The following SNCAIP variants were observed in gnomAD, a reference collection of about 807,000 sequenced individuals.
SNCAIP encodes synphilin-1.
A neutral mutation model predicts 86.7 loss-of-function variants in SNCAIP; 43 were observed. The observed-to-expected ratio is 0.50, with a 90% CI of 0.39 to 0.64. The LOEUF is 0.64. Ranked by LOEUF, SNCAIP falls within the 30% of genes least tolerant of loss-of-function variation. The pLI is 0.00. For missense variants in SNCAIP, 981 were observed against 1,103.1 expected, an observed-to-expected ratio of 0.89 and a Z score of 1.57; for synonymous variants, 417 against 427.2, an observed-to-expected ratio of 0.98 and a Z score of 0.29.
chr5:122,317,455 T>C (rs1751994350), intron 1 of SNCAIP, among the ~76,000 whole-genome samples: 1 of 152,198 alleles, frequency 6.6e-6, no homozygotes, highest in African/African-American at 2.4e-5. Flanking sequence ...TTAGACCACT[T>C]TGATCACATG....
chr5:122,427,801 G>C (rs1386893319), intron 5 of SNCAIP, among the ~76,000 whole-genome samples: 2 of 152,154 alleles, frequency 1.3e-5, no homozygotes, highest in Non-Finnish European at 2.9e-5. Flanking sequence ...TTGGCTAACA[G>C]GAAGCAGAGT....
chr5:122,436,411 A>G (rs550970708), intron 6 of SNCAIP: 13 of 152,222 alleles, frequency 8.5e-5, no homozygotes, highest in African/African-American at 3.1e-4. Flanking sequence ...TTTTATTCCT[A>G]TCAATATTAT....
At chr5:122,323,318 A>C (rs1753362853) in intron 1 of SNCAIP, 1 of 152,236 alleles carries the variant, frequency 6.6e-6, no homozygotes, top group Admixed American at 6.5e-5. Flanking sequence ...TTGAGTACTC[A>C]CAGATTAACG....
At chr5:122,428,241 C>A (rs1044492307) in intron 5 of SNCAIP, among the ~76,000 whole-genome samples, 3 of 152,130 alleles carry the variant, frequency 2.0e-5, no homozygotes, top group Non-Finnish European at 4.4e-5. Context: ...ACTGATACCC[C>A]CTTGCTGTAT....
intron 1 of SNCAIP, among the ~76,000 whole-genome samples, chr5:122,345,760 A>G (rs922858926): frequency 4.6e-5 from 7 of 152,106 alleles, no homozygotes; most frequent in Admixed American, 4.6e-4. Context: ...TCATGGGCTC[A>G]AGTGATCCTC....
chr5:122,376,193 C>T (rs1349471541), intron 1 of SNCAIP, among the ~76,000 whole-genome samples: 1 of 152,112 alleles, frequency 6.6e-6, no homozygotes, highest in Non-Finnish European at 1.5e-5. Context: ...TCCTCATAAA[C>T]AATCAGAATG....
rs149360775 is a variant in SNCAIP at position 122,321,061 on chromosome 5, G to A, written c.-47+8777G>A. On this transcript the variant is annotated intron_variant, in intron 1 of 10. Coordinates refer to ENST00000261368, the MANE Select transcript of SNCAIP (RefSeq NM_005460.4). ...TCTCCTGAAGCATTGTCTTGTGACT[G>A]CACCAACCTACACTGGCAGATAGAA... 2.6e-5 allele frequency among the ~76,000 whole-genome samples: 4 copies of A among 152,222 alleles called. No homozygotes were observed. The East Asian group carries it at 7.7e-4, about 29-fold the overall frequency.
At chr5:122,408,236 G>A (rs1454097447) in intron 3 of SNCAIP, among the ~76,000 whole-genome samples, 1 of 152,192 alleles carries the variant, frequency 6.6e-6, no homozygotes, top group Non-Finnish European at 1.5e-5. Context: ...CCACAGAACA[G>A]TCCCCTGGGT....
intron 7 of SNCAIP, among the ~76,000 whole-genome samples, chr5:122,442,571 C>T (rs904032860): frequency 6.6e-6 from 1 of 152,032 alleles, no homozygotes. Flanking sequence ...ACAGGTTCTG[C>T]AGAAATATTA....
At chr5:122,326,662 G>C (rs1211457405) in intron 1 of SNCAIP, among the ~76,000 whole-genome samples, 1 of 127,294 alleles carries the variant, frequency 7.9e-6, no homozygotes, top group East Asian at 2.4e-4. Context: ...AGTCAAGGGA[G>C]GAATAGCAAT....
At chr5:122,417,186 T>C (rs142721494) in intron 3 of SNCAIP, among the ~76,000 whole-genome samples, 34 of 152,326 alleles carry the variant, frequency 2.2e-4, no homozygotes, top group African/African-American at 8.2e-4. Flanking sequence ...GTCCATTATC[T>C]TCCTAAGAAA....
chr5:122,333,960 G>A (rs955210785), intron 1 of SNCAIP, among the ~76,000 whole-genome samples: 3 of 152,176 alleles, frequency 2.0e-5, no homozygotes, highest in Admixed American at 2.0e-4. Context: ...CTGTGGTAAA[G>A]ATGGGGGAGA....
intron 1 of SNCAIP, among the ~76,000 whole-genome samples, chr5:122,376,141 A>G (rs941211309): frequency 3.3e-5 from 5 of 152,106 alleles, no homozygotes; most frequent in Admixed American, 2.0e-4. Flanking sequence ...CGTGCACTCT[A>G]AAGTTTGAGA....
At chr5:122,460,619 A>G (rs924406731) in intron 10 of SNCAIP, among the ~76,000 whole-genome samples, 2 of 152,164 alleles carry the variant, frequency 1.3e-5, no homozygotes, top group African/African-American at 4.8e-5. Flanking sequence ...ATCACTCTCA[A>G]GAGCTAAATC....
At chr5:122,392,858 C>G (rs1174672093) in intron 2 of SNCAIP, among the ~76,000 whole-genome samples, 2 of 151,984 alleles carry the variant, frequency 1.3e-5, no homozygotes, top group African/African-American at 2.4e-5. Flanking sequence ...CTGAATTATA[C>G]AATAATATTT....
chr5:122,381,155 A>T (rs1391911005), intron 1 of SNCAIP, among the ~76,000 whole-genome samples: 2 of 138,860 alleles, frequency 1.4e-5, no homozygotes, highest in Non-Finnish European at 3.1e-5. Flanking sequence ...AAAGTCTCCC[A>T]TTATTAATGT....
intron 3 of SNCAIP, among the ~76,000 whole-genome samples, chr5:122,407,795 A>G (rs967111302): frequency 2.0e-5 from 3 of 152,220 alleles, no homozygotes; most frequent in African/African-American, 7.2e-5. Context: ...AAAATAGTCC[A>G]AAGCCAATCA....
At chr5:122,450,046 C>T in intron 9 of SNCAIP, 109 bp downstream of exon 9, 1 of 818,320 alleles carries the variant, frequency 1.2e-6, no homozygotes, top group Non-Finnish European at 2.0e-6. Flanking sequence ...AAAACATTTT[C>T]TTCTTATAAA....
At chr5:122,380,346 C>A (rs1362806409) in intron 1 of SNCAIP, among the ~76,000 whole-genome samples, 1 of 152,168 alleles carries the variant, frequency 6.6e-6, no homozygotes, top group Non-Finnish European at 1.5e-5. Context: ...TTGTAGTATT[C>A]TCTGATGGTA....
Sources: gnomAD v4.1 joint callset for allele counts (sites outside exome capture counted in the v4.1 genomes callset) on GRCh38, gnomAD v4.1.1 for gene constraint, MANE v1.5 for transcripts, NCBI Gene and HGNC (gene_info 2026-07-23, HGNC 2026-07-21) for gene names.